Variants in SLC25A30 observed in about 807,000 individuals in gnomAD.
SLC25A30 encodes kidney mitochondrial carrier protein 1.
In SLC25A30, 29 loss-of-function variants were observed where a neutral mutation model predicts 42.7. The observed-to-expected ratio is 0.68, with a 90% CI of 0.51 to 0.93. The LOEUF is 0.93. Among genes scored for constraint, SLC25A30 ranks in the 40% least tolerant of loss-of-function variants. The pLI is 0.00. For missense variants in SLC25A30, 300 were observed against 359.7 expected, an observed-to-expected ratio of 0.83 and a Z score of 1.34; for synonymous variants, 124 against 131.0, an observed-to-expected ratio of 0.95 and a Z score of 0.37.
intron 7 of SLC25A30, among the ~76,000 whole-genome samples, chr13:45,400,018 A>ATATATATGTG (rs1449034010): frequency 9.3e-6 from 1 of 107,294 alleles, no homozygotes; most frequent in Non-Finnish European, 1.9e-5. Context: ...GTATGATTAT[A>ATATATATGTG]TATATATATA....
At chr13:45,426,155 C>G in the SLC25A30 span, among the ~76,000 whole-genome samples, 1 of 151,610 alleles carries the variant, frequency 6.6e-6, no homozygotes, top group Non-Finnish European at 1.5e-5. Flanking sequence ...GGCGCCATCT[C>G]GGCTCACTGC....
intron 9 of SLC25A30, chr13:45,396,399 T>C (rs1881326980): frequency 3.0e-6 from 3 of 1,008,650 alleles, no homozygotes; most frequent in Admixed American, 4.8e-5. Flanking sequence ...CATCCTTCCT[T>C]GGGAGGCAGG....
At chr13:45,424,366 TATATATAAATATATAG>T in the SLC25A30 span, among the ~76,000 whole-genome samples, 1 of 67,886 alleles carries the variant, frequency 1.5e-5, no homozygotes, top group Non-Finnish European at 2.5e-5. Flanking sequence ...TACATGAAAA[TATATATAAATATATAG>T]ATATATAAAT....
chr13:45,423,793 AATATATATTTAT>A, the SLC25A30 span, among the ~76,000 whole-genome samples: 148 of 70,740 alleles, frequency 2.1e-3, 2 homozygotes, highest in Middle Eastern at 0.017. Flanking sequence ...TAAATATATA[AATATATATTTAT>A]ATATATAAAA....
chr13:45,426,886 A>G, the SLC25A30 span, among the ~76,000 whole-genome samples: 2 of 152,166 alleles, frequency 1.3e-5, no homozygotes, highest in Non-Finnish European at 2.9e-5. Context: ...TAAACTTCGC[A>G]TGAATAGCAG....
Position 45,404,400 on chromosome 13 carries a change from G to A in SLC25A30, c.320C>T (p.Pro107Leu), listed in dbSNP as rs750628836. The A allele has an allele frequency of 4.5e-5, 73 of 1,611,472 alleles. No individual in the cohort carries two copies. Among genetic ancestry groups the A allele is most frequent in the Non-Finnish European group, 5.6e-5 (66 of 1,177,862 alleles). Reference protein sequence around the residue: ...FIERPEDETLPINVICGILSG... With the variant: ...FIERPEDETLLINVICGILSG... ...CAGAATTCCACATATCACATTTATC[G>A]GTAGAGTTTCATCTGTAAACAATGA... The change falls in exon 5 of 10, where the codon CCG becomes CTG. Residue 107 changes from proline to leucine, a missense_variant. Transcript: ENST00000519676.
chr13:45,396,127 C>G (rs546545644), intron 9 of SLC25A30, 112 bp from the exon 10 acceptor site: 2 of 1,605,136 alleles, frequency 1.2e-6, no homozygotes, highest in Admixed American at 3.4e-5. Flanking sequence ...GGCAGACCCA[C>G]GCTATGGACA....
At chr13:45,402,850 C>T (rs572470328) in intron 5 of SLC25A30, 30 of 984,822 alleles carry the variant, frequency 3.0e-5, no homozygotes, top group African/African-American at 1.0e-4. Flanking sequence ...GGTATGCAGG[C>T]GAGCTAGCCA....
intron 2 of SLC25A30, among the ~76,000 whole-genome samples, chr13:45,411,105 A>AT (rs1882979387): frequency 6.7e-6 from 1 of 148,152 alleles, no homozygotes; most frequent in Non-Finnish European, 1.5e-5. Flanking sequence ...ACACCTGGCT[A>AT]ATTTTTTTTT....
At chr13:45,422,225 A>T (rs141948365), upstream of SLC25A30, among the ~76,000 whole-genome samples, 1 of 152,198 alleles carries the variant, frequency 6.6e-6, no homozygotes, top group South Asian at 2.1e-4. Context: ...TGCAGATAAT[A>T]TGGACCTGCG....
At chr13:45,423,711 A>AAAATATATAAAAATATATAAATATATAT in the SLC25A30 span, among the ~76,000 whole-genome samples, 1 of 43,056 alleles carries the variant, frequency 2.3e-5, no homozygotes, top group African/African-American at 1.4e-4. Flanking sequence ...TAAATATATA[A>AAAATATATAAAAATATATAAATATATAT]ACATATATAA....
intron 5 of SLC25A30, 63 bp downstream of exon 5, chr13:45,404,264 C>T (rs1027389269): frequency 2.6e-5 from 29 of 1,125,556 alleles, no homozygotes; most frequent in Non-Finnish European, 3.3e-5. Flanking sequence ...TTCCATTACC[C>T]GAATGTTGTT....
At chr13:45,425,161 T>TATATAAATATATATATAA in the SLC25A30 span, among the ~76,000 whole-genome samples, 9 of 90,626 alleles carry the variant, frequency 9.9e-5, no homozygotes, top group African/African-American at 3.0e-4. Context: ...TATTGATAAA[T>TATATAAATATATATATAA]ATATATAAGT....
rs1881170312 is a variant in SLC25A30, at chr13:45,394,458, C to T, written c.*1516G>A. On this transcript the variant is annotated 3_prime_UTR_variant, in exon 10 of 10. Transcript: ENST00000519676. ...TGGCCAGACTGGGAATTTGGCCGCA[C>T]TACTGTGGAAGGAGAATGCCCTGGA... is the stretch of plus-strand genomic sequence containing the variant. 4.1e-6 allele frequency: 4 copies of T among 985,300 alleles called. No individual in the cohort carries two copies. The highest frequency in any genetic ancestry group is 3.5e-5 in the African/African-American group (2 of 57,222). 61.0% of individuals were successfully genotyped at this position (985,300 alleles called of 1,614,324 possible).
chr13:45,425,013 A>AGTATACATATATAAATATATATGTAT, the SLC25A30 span, among the ~76,000 whole-genome samples: 1 of 14,578 alleles, frequency 6.9e-5, no homozygotes, highest in Non-Finnish European at 1.1e-4. Context: ...AATATATATA[A>AGTATACATATATAAATATATATGTAT]ATATACATAT....
At chr13:45,423,617 AATAT>A in the SLC25A30 span, among the ~76,000 whole-genome samples, 4 of 96,114 alleles carry the variant, frequency 4.2e-5, no homozygotes, top group South Asian at 2.8e-4. Flanking sequence ...ATATATATAA[AATAT>A]ATATATATAA....
the SLC25A30 span, among the ~76,000 whole-genome samples, chr13:45,424,557 A>G: frequency 6.1e-4 from 48 of 78,164 alleles, 5 homozygotes; most frequent in Non-Finnish European, 7.2e-4. Flanking sequence ...ATATAAATAT[A>G]TATAAATGTA....
At chr13:45,399,162 C>T in intron 7 of SLC25A30, 84 bp from the exon 8 acceptor site, 1 of 1,359,518 alleles carries the variant, frequency 7.4e-7, no homozygotes, top group Non-Finnish European at 1.0e-6. Flanking sequence ...ACAGCTTCTG[C>T]CCAAACTATG....
chr13:45,407,282 C>G (rs1235376549), intron 3 of SLC25A30, among the ~76,000 whole-genome samples: 1 of 151,966 alleles, frequency 6.6e-6, no homozygotes. Context: ...GCCTGTAATC[C>G]CAGCTACTCG....
Sources: gnomAD v4.1 joint callset for allele counts (sites outside exome capture counted in the v4.1 genomes callset) on GRCh38, gnomAD v4.1.1 for gene constraint, MANE v1.5 for transcripts, NCBI Gene and HGNC (gene_info 2026-07-23, HGNC 2026-07-21) for gene names.